MAST2: variants seen among roughly 807,000 people sequenced by gnomAD.
MAST2 encodes microtubule-associated serine/threonine-protein kinase 2.
A neutral mutation model predicts 147.4 loss-of-function variants in MAST2; 70 were observed. That is an observed-to-expected ratio of 0.47 (90% CI 0.39 to 0.58). MAST2 has a LOEUF of 0.58. MAST2 is among the 20% of genes least tolerant of loss of function. The pLI, the probability that MAST2 is intolerant of heterozygous loss-of-function variation, is 0.00. For missense variants in MAST2, 2,080 were observed against 2,302.3 expected (o/e 0.90, Z 1.98); for synonymous variants, 869 against 896.8 (o/e 0.97, Z 0.55).
intron 1 of MAST2, among the ~76,000 whole-genome samples, chr1:45,817,719 CAT>C (rs149974319): frequency 0.045 from 6,880 of 152,224 alleles, 495 homozygotes; most frequent in African/African-American, 0.15. Context: ...ATAAACGACT[CAT>C]ATCATGAAAA....
At position 46,032,587 on chromosome 1, in the gene MAST2, C is replaced by T. The variant is rs1259330993; in HGVS notation, c.3415-9C>T. 1 of 1,613,656 alleles carries T rather than the reference C, an allele frequency of 6.2e-7. No individual in the cohort carries two copies. Among genetic ancestry groups the T allele is most frequent in the East Asian group, 2.2e-5 (1 of 44,886 alleles). On this transcript the variant is annotated splice_polypyrimidine_tract_variant and intron_variant, in intron 25 of 28. Coordinates refer to ENST00000361297, the MANE Select transcript of MAST2 (RefSeq NM_015112.3). The stretch of plus-strand genomic sequence containing the variant: ...CTCCAGTCTGAGTACTGTTCTCTTC[C>T]TGGCACAGCACGTGGAGGATGGAGG...
At chr1:45,861,973 C>T (rs1645996318) in intron 3 of MAST2, among the ~76,000 whole-genome samples, 2 of 152,218 alleles carry the variant, frequency 1.3e-5, no homozygotes, top group African/African-American at 4.8e-5. Flanking sequence ...CTTTTCTTGG[C>T]TTCTTTAATA....
chr1:45,929,896 G>T (rs1214717861), intron 4 of MAST2, among the ~76,000 whole-genome samples: 2 of 151,874 alleles, frequency 1.3e-5, no homozygotes, highest in Non-Finnish European at 2.9e-5. Flanking sequence ...ATTAGATATT[G>T]TCCAGTTTCC....
rs779691344 is a variant in MAST2, at chr1:45,829,476, C to A, written c.363C>A (p.Ser121Arg). ...QLLPLSSSVH[S>R]SVGQVTWQSS... ...TCCCTTTGTCCAGCAGTGTACATAG[C>A]AGTGTGGGACAGGTGACTTGGCAGT... Residue 121 changes from serine to arginine, a missense_variant, in exon 3 of 29, where the codon AGC becomes AGA. This residue lies in a region of MAST2 where 569 missense variants were observed against 642.5 expected (regional missense o/e 0.89). Coordinates refer to ENST00000361297, the MANE Select transcript of MAST2 (RefSeq NM_015112.3). 3.7e-6 allele frequency: 6 copies of A among 1,613,972 alleles called. No individual in the cohort carries two copies. The highest frequency in any genetic ancestry group is 5.1e-6 in the Non-Finnish European group (6 of 1,180,002).
intron 4 of MAST2, among the ~76,000 whole-genome samples, chr1:45,893,742 T>C (rs1191428886): frequency 6.6e-6 from 1 of 152,136 alleles, no homozygotes; most frequent in Admixed American, 6.5e-5. Flanking sequence ...ATAACTAGAA[T>C]ATTTATAGTA....
At chr1:45,867,909 T>G (rs1440410707) in intron 3 of MAST2, among the ~76,000 whole-genome samples, 1 of 152,230 alleles carries the variant, frequency 6.6e-6, no homozygotes, top group Non-Finnish European at 1.5e-5. Flanking sequence ...TCTGGTGTAT[T>G]TGCTCAGCTT....
At chr1:45,901,286 A>T (rs771062116) in intron 4 of MAST2, among the ~76,000 whole-genome samples, 1 of 152,046 alleles carries the variant, frequency 6.6e-6, no homozygotes, top group African/African-American at 2.4e-5. Flanking sequence ...ATTGTGGTCA[A>T]CTTTGTTGAA....
chr1:45,978,186 T>A (rs1644251958), intron 5 of MAST2, among the ~76,000 whole-genome samples: 2 of 152,092 alleles, frequency 1.3e-5, no homozygotes, highest in Non-Finnish European at 2.9e-5. Context: ...AATAAATGCA[T>A]GAAAAGATAA....
At chr1:46,008,419 G>T (rs1362682086) in intron 9 of MAST2, 48 bp downstream of exon 9, 2 of 1,302,264 alleles carry the variant, frequency 1.5e-6, no homozygotes, top group Admixed American at 3.4e-5. Context: ...CCGGGTGGCT[G>T]CCTACAGCCA....
At position 45,828,075 on chromosome 1, in the gene MAST2, C is replaced by T. The variant is rs2147797011; in HGVS notation, c.326-1364C>T. Reference sequence around the variant, plus strand: ...TGAACTCCTGGGCTCAAGTGATCCTCCTGCTTCGGCCTCCCAAAATGCTGG... The same window carrying T: ...TGAACTCCTGGGCTCAAGTGATCCTTCTGCTTCGGCCTCCCAAAATGCTGG... On this transcript the variant is annotated intron_variant, in intron 2 of 28. Transcript: ENST00000361297. Among the ~76,000 whole-genome samples the T allele has an allele frequency of 2.0e-5, 3 of 152,234 alleles. No individual in the cohort carries two copies. The South Asian group carries it at 6.2e-4, about 32-fold the overall frequency.
chr1:45,811,208 C>T (rs1644284036), intron 1 of MAST2, among the ~76,000 whole-genome samples: 1 of 151,348 alleles, frequency 6.6e-6, no homozygotes, highest in South Asian at 2.1e-4. Context: ...CTCTTGTCTC[C>T]CAGGCTGGAG....
intron 5 of MAST2, among the ~76,000 whole-genome samples, chr1:45,970,827 T>G (rs1570994842): frequency 6.6e-6 from 1 of 150,724 alleles, no homozygotes; most frequent in South Asian, 2.1e-4. Context: ...TCCTCCAGTT[T>G]GTTCAGCTTT....
chr1:45,807,679 T>C (rs935204671), intron 1 of MAST2, among the ~76,000 whole-genome samples: 16 of 152,018 alleles, frequency 1.1e-4, no homozygotes, highest in Admixed American at 1.3e-4. Flanking sequence ...GTAGCTGGGA[T>C]TGCAGGCGTC....
intron 1 of MAST2, among the ~76,000 whole-genome samples, chr1:45,808,514 C>T (rs1040967374): frequency 3.3e-5 from 5 of 152,180 alleles, no homozygotes; most frequent in Non-Finnish European, 7.4e-5. Flanking sequence ...TGGCCCACAT[C>T]TGTAGTCTTT....
intron 10 of MAST2, among the ~76,000 whole-genome samples, chr1:46,018,992 A>G (rs1380143292): frequency 6.6e-6 from 1 of 152,152 alleles, no homozygotes; most frequent in Non-Finnish European, 1.5e-5. Flanking sequence ...TAATTTTCCT[A>G]AAATTGAAGT....
chr1:46,035,334 G>C lies in MAST2; in HGVS notation c.4665G>C (p.Leu1555=). Residue 1555 remains leucine (L), a synonymous_variant, in exon 29 of 29, where the codon CTG becomes CTC. Coordinates refer to ENST00000361297, the MANE Select transcript of MAST2 (RefSeq NM_015112.3). The surrounding 1 kb of genome is among the most constrained non-coding windows in gnomAD (Gnocchi z 5.5). ...DPFPSRDPRS[L]GPMVPSLLTG... is the part of the protein sequence containing the mutation. ...TCCCGTCCAGAGACCCTAGGAGCCT[G>C]GGCCCAATGGTCCCAAGCCTATTGA... is the stretch of plus-strand genomic sequence containing the variant. 1 of 1,613,894 alleles carries C rather than the reference G, an allele frequency of 6.2e-7. No individual in the cohort carries two copies. Among genetic ancestry groups the C allele is most frequent in the Non-Finnish European group, 8.5e-7 (1 of 1,179,940 alleles).
intron 4 of MAST2, among the ~76,000 whole-genome samples, chr1:45,899,858 AT>A (rs887595948): frequency 1.2e-4 from 18 of 149,842 alleles, no homozygotes; most frequent in Admixed American, 2.7e-4. Context: ...TTAAAAAAAA[AT>A]TTTTTTTTTT....
intron 4 of MAST2, among the ~76,000 whole-genome samples, chr1:45,885,398 G>T (rs1395446442): frequency 1.3e-5 from 2 of 151,948 alleles, no homozygotes; most frequent in South Asian, 4.2e-4. Context: ...AATTTTTGAG[G>T]CTTTCAATTG....
chr1:45,959,346 G>T, intron 4 of MAST2, 40 bp from the exon 5 acceptor site: 3 of 1,504,812 alleles, frequency 2.0e-6, no homozygotes, highest in South Asian at 2.3e-5. Flanking sequence ...TGGGCCCATG[G>T]TGTGGCCCTA....
Sources: allele counts gnomAD v4.1 joint callset (sites outside exome capture counted in the v4.1 genomes callset), GRCh38; gene constraint gnomAD v4.1.1; regional missense constraint gnomAD v4.1.1; non-coding constraint Gnocchi (gnomAD v3.1); transcripts MANE v1.5; gene names NCBI Gene and HGNC (gene_info 2026-07-23, HGNC 2026-07-21).